Variants in PTK2B observed in about 807,000 individuals in gnomAD.
The protein encoded by PTK2B is protein-tyrosine kinase 2-beta.
Under a neutral mutation model 142.9 loss-of-function variants are expected in PTK2B, and 71 were observed. That is an observed-to-expected ratio of 0.50 (90% CI 0.41 to 0.61). The LOEUF is 0.61. Among genes scored for constraint, PTK2B ranks in the 20% least tolerant of loss-of-function variants. The pLI is 0.00. For missense variants in PTK2B, 1,105 were observed against 1,320.4 expected, an observed-to-expected ratio of 0.84 and a Z score of 2.53; for synonymous variants, 519 against 503.4, an observed-to-expected ratio of 1.03 and a Z score of -0.42.
chr8:27,426,924 A>T (rs936228250), intron 5 of PTK2B, among the ~76,000 whole-genome samples: 11 of 152,200 alleles, frequency 7.2e-5, no homozygotes, highest in Non-Finnish European at 1.2e-4. Flanking sequence ...ACCCTGTTTT[A>T]AAAAATTTAA....
Position 27,445,913 on chromosome 8 carries a change from C to A in PTK2B, c.2334C>A (p.Ser778Arg). The A allele has an allele frequency of 6.2e-7, 1 of 1,613,648 alleles. No homozygotes were observed. Among genetic ancestry groups the A allele is most frequent in the Non-Finnish European group, 8.5e-7 (1 of 1,180,034 alleles). The change falls in exon 24 of 31, where the codon AGC becomes AGA. Residue 778 changes from serine (S) to arginine (R), a missense_variant. Physicochemically the swap from Ser to Arg is moderately radical, Grantham distance 110. Coordinates refer to ENST00000346049, the MANE Select transcript of PTK2B (RefSeq NM_173176.3). The part of the protein sequence containing the change: ...LHRHNVFKRH[S>R]MREEDFIQPS... ...GGCACAATGTCTTCAAACGCCACAG[C>A]ATGCGGGTAAGAGGGCTCTGCATGC...
At position 27,440,221 on chromosome 8, in the gene PTK2B, C is replaced by A. The variant is rs1376880925; in HGVS notation, c.1835-16C>A. On this transcript the variant is annotated splice_polypyrimidine_tract_variant and intron_variant, in intron 20 of 30. Coordinates refer to ENST00000346049, the MANE Select transcript of PTK2B (RefSeq NM_173176.3). ...GGTCTCCCCCACCCAGGGCCTGACG[C>A]TCCCTTACACCCCAGCCGTGTGCAT... 1 of 1,613,714 alleles carries A rather than the reference C, an allele frequency of 6.2e-7. No individual in the cohort carries two copies. Among genetic ancestry groups the A allele is most frequent in the South Asian group, 1.1e-5 (1 of 91,058 alleles).
At chr8:27,410,207 G>T (rs1586261932) in intron 2 of PTK2B, among the ~76,000 whole-genome samples, 1 of 152,246 alleles carries the variant, frequency 6.6e-6, no homozygotes, top group Non-Finnish European at 1.5e-5. Context: ...AGCAGACCTG[G>T]GTGGGAGGCT....
At chr8:27,347,765 A>G (rs57174543) in intron 1 of PTK2B, among the ~76,000 whole-genome samples, 2 of 152,210 alleles carry the variant, frequency 1.3e-5, no homozygotes, top group Non-Finnish European at 2.9e-5. Context: ...GGGGGACACA[A>G]TTCAGCCAGA....
At chr8:27,390,366 G>A (rs1434872200) in intron 1 of PTK2B, among the ~76,000 whole-genome samples, 1 of 152,158 alleles carries the variant, frequency 6.6e-6, no homozygotes, top group Non-Finnish European at 1.5e-5. Context: ...CAGGCATGGT[G>A]GCTCATACCT....
Position 27,397,749 on chromosome 8 carries a change from C to T in PTK2B, c.165C>T (p.Asn55=). The T allele has an allele frequency of 1.2e-6, 2 of 1,614,280 alleles. No individual in the cohort carries two copies. The highest frequency in any genetic ancestry group is 1.3e-5 in the African/African-American group (1 of 75,078). The part of the protein sequence containing the change: ...FYSNSFNPGK[N]FKLVKCTVQT... ...GCAACAGCTTCAATCCTGGGAAAAA[C>T]TTCAAACTGGTCAAATGCACTGTCC... Residue 55 remains asparagine (N), a synonymous_variant, in exon 2 of 31, where the codon AAC becomes AAT. Transcript: ENST00000346049.
At chr8:27,442,654 A>G (rs1310969853) in intron 21 of PTK2B, among the ~76,000 whole-genome samples, 1 of 152,162 alleles carries the variant, frequency 6.6e-6, no homozygotes, top group African/African-American at 2.4e-5. Flanking sequence ...CCTTGGATCC[A>G]TTCCTGTGAT....
chr8:27,409,059 T>A (rs1808896342), intron 2 of PTK2B, among the ~76,000 whole-genome samples: 1 of 151,308 alleles, frequency 6.6e-6, no homozygotes, highest in Non-Finnish European at 1.5e-5. Context: ...CGTGTGCATG[T>A]CTCTCTCTGC....
chr8:27,316,165 G>A (rs1803089887), intron 3 of PTK2B, among the ~76,000 whole-genome samples: 1 of 152,140 alleles, frequency 6.6e-6, no homozygotes, highest in Non-Finnish European at 1.5e-5. Context: ...CCTCCCAAAT[G>A]CCCTGCCAAG....
At chr8:27,361,310 C>G (rs866641896) in intron 1 of PTK2B, among the ~76,000 whole-genome samples, 1 of 152,168 alleles carries the variant, frequency 6.6e-6, no homozygotes, top group African/African-American at 2.4e-5. Context: ...CCTCGAACTC[C>G]TGGGCTCAGG....
intron 8 of PTK2B, 61 bp downstream of exon 8, chr8:27,431,077 G>A (rs185986652): frequency 9.8e-5 from 154 of 1,571,198 alleles, no homozygotes; most frequent in East Asian, 2.3e-5. Context: ...CGGAAAAGGG[G>A]GCCAGGAGGG....
chr8:27,412,369 GT>G (rs1809122178), intron 2 of PTK2B, among the ~76,000 whole-genome samples: 26 of 152,140 alleles, frequency 1.7e-4, no homozygotes, highest in Admixed American at 1.7e-3. Flanking sequence ...AGATTCAGGT[GT>G]AGTCTGAGGA....
chr8:27,319,475 T>C (rs1803162996), intron 3 of PTK2B, among the ~76,000 whole-genome samples: 1 of 151,806 alleles, frequency 6.6e-6, no homozygotes, highest in Non-Finnish European at 1.5e-5. Flanking sequence ...ACCCCGTCTC[T>C]ACTAAAAATA....
chr8:27,439,511 G>A (rs1811020766), intron 20 of PTK2B, 113 bp downstream of exon 20: 2 of 1,192,008 alleles, frequency 1.7e-6, no homozygotes, highest in Non-Finnish European at 2.4e-6. Context: ...CGTTCCCAGG[G>A]TTCTATTTTG....
intron 5 of PTK2B, among the ~76,000 whole-genome samples, chr8:27,423,117 A>C (rs1809862867): frequency 1.3e-5 from 2 of 152,176 alleles, no homozygotes; most frequent in African/African-American, 4.8e-5. Context: ...GGAAGACACC[A>C]TTGAGACAAT....
At chr8:27,456,607 A>T (rs912649060) in intron 30 of PTK2B, among the ~76,000 whole-genome samples, 1 of 152,206 alleles carries the variant, frequency 6.6e-6, no homozygotes, top group Non-Finnish European at 1.5e-5. Context: ...ATGTTCAAGT[A>T]AAAGGAAGGG....
At chr8:27,434,462 A>G (rs778404735) in intron 12 of PTK2B, 51 bp from the exon 13 acceptor site, 13 of 1,569,822 alleles carry the variant, frequency 8.3e-6, no homozygotes, top group Middle Eastern at 1.7e-4. Flanking sequence ...GCCCAGGGGA[A>G]CATTACCGGC....
chr8:27,326,483 A>G (rs2130752991), intron 1 of PTK2B, among the ~76,000 whole-genome samples: 1 of 152,284 alleles, frequency 6.6e-6, no homozygotes. Context: ...ACTGGGAGCA[A>G]AATCCAAGTC....
upstream of PTK2B, chr8:27,310,947 A>G: frequency 6.2e-7 from 1 of 1,612,666 alleles, no homozygotes; most frequent in Non-Finnish European, 8.5e-7. Flanking sequence ...ACACGCGAGA[A>G]GCGGTAGCTG....
Sources: allele counts gnomAD v4.1 joint callset (sites outside exome capture counted in the v4.1 genomes callset), GRCh38; gene constraint gnomAD v4.1.1; transcripts MANE v1.5; gene names NCBI Gene and HGNC (gene_info 2026-07-23, HGNC 2026-07-21).